The following NINL variants were observed in gnomAD, a reference collection of about 807,000 sequenced individuals.
The protein encoded by NINL is ninein-like protein.
A neutral mutation model predicts 160.3 loss-of-function variants in NINL; 153 were observed. The ratio of observed to expected loss-of-function variants is 0.95; its 90% CI spans 0.84 to 1.09. The LOEUF is 1.09. Ranked by LOEUF, NINL falls within the 50% of genes least tolerant of loss-of-function variation. NINL has a pLI of 0.00. For missense variants in NINL, 1,829 were observed against 1,764.0 expected, an observed-to-expected ratio of 1.04 and a Z score of -0.66; for synonymous variants, 800 against 734.8, an observed-to-expected ratio of 1.09 and a Z score of -1.43.
At chr20:25,501,742 T>C (rs1391295675) in intron 7 of NINL, among the ~76,000 whole-genome samples, 1 of 152,216 alleles carries the variant, frequency 6.6e-6, no homozygotes, top group Non-Finnish European at 1.5e-5. Context: ...CAAGTGATCC[T>C]CCTGCTCAGC....
chr20:25,539,483 G>A (rs1015255073), intron 1 of NINL, among the ~76,000 whole-genome samples: 1 of 152,220 alleles, frequency 6.6e-6, no homozygotes, highest in Non-Finnish European at 1.5e-5. Context: ...TACTAAGGGG[G>A]CGATGACTGA....
chr20:25,460,675 C>T lies in NINL; in HGVS notation c.3696+847G>A, dbSNP rs555580680. Among the ~76,000 whole-genome samples the T allele has an allele frequency of 7.9e-4, 121 of 152,308 alleles. 1 individual carries two copies. The highest frequency in any genetic ancestry group is 3.4e-3 in the Middle Eastern group (1 of 294). On this transcript the variant is annotated intron_variant, in intron 21 of 23. Coordinates refer to ENST00000278886, the MANE Select transcript of NINL (RefSeq NM_025176.6). ...CAAGAGCCTATGGGAGCCCCAACAGCGCCTCAGAAAGCTCTGGGGTCCATG... is the reference window on the plus strand; with the variant it reads ...CAAGAGCCTATGGGAGCCCCAACAGTGCCTCAGAAAGCTCTGGGGTCCATG...
intron 6 of NINL, 79 bp downstream of exon 6, chr20:25,504,809 T>G (rs1031511809): frequency 9.0e-6 from 13 of 1,446,984 alleles, no homozygotes; most frequent in Non-Finnish European, 1.2e-5. Flanking sequence ...GGCTGAAGGG[T>G]AGAGGGGTTT....
intron 9 of NINL, among the ~76,000 whole-genome samples, chr20:25,497,357 G>C (rs1277646221): frequency 1.3e-5 from 2 of 152,252 alleles, no homozygotes; most frequent in African/African-American, 4.8e-5. Context: ...TGCTATTCCA[G>C]TGACTGTTTC....
At chr20:25,568,576 T>A (rs1412501220) in intron 1 of NINL, among the ~76,000 whole-genome samples, 1 of 151,842 alleles carries the variant, frequency 6.6e-6, no homozygotes, top group African/African-American at 2.4e-5. Context: ...GCCTGGCTTA[T>A]TTTTTAAATT....
intron 2 of NINL, among the ~76,000 whole-genome samples, chr20:25,519,681 C>G (rs989147891): frequency 3.3e-5 from 5 of 152,098 alleles, no homozygotes; most frequent in Non-Finnish European, 7.4e-5. Flanking sequence ...CTAATAGACA[C>G]AGTAACACGA....
In NINL at chr20:25,500,893, C is replaced by T. The variant is rs781029398; in HGVS notation, c.979G>A (p.Val327Ile). 1 of 1,614,184 alleles carries T rather than the reference C, an allele frequency of 6.2e-7. No homozygotes were observed. Among genetic ancestry groups the T allele is most frequent in the Admixed American group, 1.7e-5 (1 of 60,018 alleles). Residue 327 changes from valine (V) to isoleucine (I), a missense_variant, in exon 8 of 24, where the codon GTC (valine) becomes ATC (isoleucine). Val to Ile is a conservative substitution (Grantham distance 29). Transcript: ENST00000278886. ...CCCTCCTGGGTCCACATGGCCAGGA[C>T]CTGATCAGGAAAAGCGAAGCCAGAA... ...DGSGFAFPDQ[V>I]LAMWTQEGIQ...
intron 1 of NINL, among the ~76,000 whole-genome samples, chr20:25,527,689 T>C (rs1056824985): frequency 2.0e-5 from 3 of 152,158 alleles, no homozygotes; most frequent in African/African-American, 7.2e-5. Context: ...AACCAAGATA[T>C]GCTATTTGTA....
intron 23 of NINL, 150 bp downstream of exon 23, chr20:25,455,523 A>G: frequency 4.9e-6 from 3 of 618,464 alleles, no homozygotes; most frequent in Non-Finnish European, 8.7e-6. Context: ...AAATAAATGA[A>G]TGTGCACCTG....
At chr20:25,471,852 A>G (rs568666788) in intron 17 of NINL, among the ~76,000 whole-genome samples, 189 of 152,320 alleles carry the variant, frequency 1.2e-3, no homozygotes, top group Non-Finnish European at 1.6e-3. Flanking sequence ...AGAGATTAAC[A>G]TCAAGCAAAT....
At chr20:25,547,216 C>T (rs2064745203) in intron 1 of NINL, among the ~76,000 whole-genome samples, 2 of 152,136 alleles carry the variant, frequency 1.3e-5, no homozygotes, top group South Asian at 4.1e-4. Context: ...GGGCTGGTTA[C>T]CAGATGGACC....
intron 1 of NINL, among the ~76,000 whole-genome samples, chr20:25,575,316 A>G (rs913109342): frequency 1.9e-4 from 29 of 149,476 alleles, no homozygotes; most frequent in African/African-American, 6.2e-4. Flanking sequence ...GCGTGGTGGC[A>G]GGCGCCTGTA....
chr20:25,478,806 G>A (rs1452982632), intron 16 of NINL, 117 bp downstream of exon 16: 57 of 1,273,376 alleles, frequency 4.5e-5, no homozygotes, highest in Non-Finnish European at 6.4e-6. Flanking sequence ...TCTGCCCAGA[G>A]GAAAACCACC....
At chr20:25,580,186 T>G (rs1043497814) in intron 1 of NINL, among the ~76,000 whole-genome samples, 13 of 151,848 alleles carry the variant, frequency 8.6e-5, no homozygotes, top group Non-Finnish European at 2.9e-5. Flanking sequence ...ATACAAAAAT[T>G]AGTTGGGCGT....
At chr20:25,531,231 A>G (rs2146989595) in intron 1 of NINL, among the ~76,000 whole-genome samples, 1 of 152,332 alleles carries the variant, frequency 6.6e-6, no homozygotes, top group South Asian at 2.1e-4. Flanking sequence ...TGTTCCCTGA[A>G]CATTGCTGTT....
chr20:25,541,370 C>A (rs900951838), intron 1 of NINL, among the ~76,000 whole-genome samples: 1 of 152,212 alleles, frequency 6.6e-6, no homozygotes, highest in South Asian at 2.1e-4. Context: ...TGTTACCATG[C>A]CCCATTATAC....
intron 5 of NINL, among the ~76,000 whole-genome samples, chr20:25,506,262 G>GA (rs1193058189): frequency 6.6e-6 from 1 of 151,380 alleles, no homozygotes; most frequent in Non-Finnish European, 1.5e-5. Context: ...CTCTGTCTCA[G>GA]AAAAAAAAGA....
chr20:25,453,623 G>T lies in NINL; in HGVS notation c.3977C>A (p.Ser1326Tyr). 6.2e-7 allele frequency: 1 copy of T among 1,607,294 alleles called. No homozygotes were observed. The highest frequency in any genetic ancestry group is 8.5e-7 in the Non-Finnish European group (1 of 1,177,184). Residue 1326 changes from serine (S) to tyrosine (Y), a missense_variant, in exon 24 of 24, where the codon TCC (serine) becomes TAC (tyrosine). Coordinates refer to ENST00000278886, the MANE Select transcript of NINL (RefSeq NM_025176.6). ...LKEQFEKNTKSDLLLKELYVE... is the reference protein window; with the variant it reads ...LKEQFEKNTKYDLLLKELYVE... ...GTACAGCTCCTTCAGCAGCAGGTCG[G>T]ACTTCGTGTTCTTTTCAAACTAGAG...
intron 10 of NINL, among the ~76,000 whole-genome samples, chr20:25,494,538 T>C (rs533278002): frequency 4.8e-4 from 73 of 152,302 alleles, no homozygotes; most frequent in South Asian, 3.9e-3. Context: ...GAGGCACATG[T>C]AGATCTGGAC....
Sources: gnomAD v4.1 joint callset for allele counts (sites outside exome capture counted in the v4.1 genomes callset) on GRCh38, gnomAD v4.1.1 for gene constraint, MANE v1.5 for transcripts, NCBI Gene and HGNC (gene_info 2026-07-23, HGNC 2026-07-21) for gene names.